Variants in VSIG10L observed in about 807,000 individuals in gnomAD.
VSIG10L encodes the protein V-set and immunoglobulin domain-containing protein 10-like.
Under a neutral mutation model 67.3 loss-of-function variants are expected in VSIG10L, and 63 were observed. The observed-to-expected ratio is 0.94, with a 90% CI of 0.76 to 1.15. VSIG10L has a LOEUF of 1.15. Among genes scored for constraint, VSIG10L ranks in the 50% most tolerant of loss-of-function variants. VSIG10L has a pLI of 0.00. For missense variants in VSIG10L, 1,050 were observed against 1,177.5 expected, an observed-to-expected ratio of 0.89 and a Z score of 1.58; for synonymous variants, 499 against 524.9, an observed-to-expected ratio of 0.95 and a Z score of 0.67.
Position 51,340,629 on chromosome 19 carries a change from G to A in VSIG10L, c.993C>T (p.Arg331=), listed in dbSNP as rs960282897. The A allele has an allele frequency of 5.2e-6, 8 of 1,534,220 alleles. No individual in the cohort carries two copies. The highest frequency in any genetic ancestry group is 2.4e-5 in the South Asian group (2 of 83,920). ...RLRCLGWGPG[R]GELSWSRDGR... is the part of the protein sequence containing the mutation. ...CGTCCCGGCTCCAGCTCAGCTCCCCGCGACCTGGCCCCCACCCCAGGCAGC... is the reference window on the plus strand; with the variant it reads ...CGTCCCGGCTCCAGCTCAGCTCCCCACGACCTGGCCCCCACCCCAGGCAGC... Residue 331 remains arginine (R), a synonymous_variant, in exon 3 of 10, where the codon CGC becomes CGT. Transcript: ENST00000335624. This position sits in a 1 kb window ranked among gnomAD's most constrained non-coding sequence, Gnocchi z 6.3.
Position 51,340,061 on chromosome 19 carries a change from C to A in VSIG10L, c.1428G>T (p.Pro476=). 7.0e-7 allele frequency: 1 copy of A among 1,435,140 alleles called. No individual in the cohort carries two copies. The highest frequency in any genetic ancestry group is 9.1e-7 in the Non-Finnish European group (1 of 1,096,006). 88.9% of individuals were successfully genotyped at this position (1,435,140 alleles called of 1,614,324 possible). Residue 476 remains proline (P), a synonymous_variant, in exon 4 of 10, where the codon CCG becomes CCT. Coordinates refer to ENST00000335624, the MANE Select transcript of VSIG10L (RefSeq NM_001163922.3). The surrounding 1 kb of genome is among the most constrained non-coding windows in gnomAD (Gnocchi z 6.3). ...GCGAGCGGCGGCGGCGGCCGGTACG[C>A]GGGTTCGCCGCCAGGCAGGCGTAGG... The part of the protein sequence containing the change: ...AGTYACLAAN[P]RTGRRRRSLL...
chr19:51,331,785 C>G lies in VSIG10L; in HGVS notation c.*826G>C, dbSNP rs184606984. ...GATGTGGTCTCTGCTTTTGTAAAGC[C>G]CTTAGTTTAGAGAGAGAGTCTCAGG... On this transcript the variant is annotated 3_prime_UTR_variant, in exon 10 of 10. Transcript: ENST00000335624. 2 of 152,086 alleles carry G rather than the reference C, an allele frequency of 1.3e-5. No individual in the cohort carries two copies. The highest frequency in any genetic ancestry group is 4.8e-5 in the African/African-American group (2 of 41,386). The allele number at this position is 152,086 out of a possible 1,614,324, so 9.4% of individuals were successfully genotyped here.
chr19:51,334,435 G>A (rs888745127), intron 7 of VSIG10L, 131 bp from the exon 8 acceptor site: 32 of 688,200 alleles, frequency 4.6e-5, no homozygotes, highest in African/African-American at 4.2e-4. Flanking sequence ...CCAGAACCCA[G>A]GAATGTGGGA....
In VSIG10L at chr19:51,333,879, T is replaced by C; in HGVS notation, c.2486A>G (p.Lys829Arg). The change falls in exon 9 of 10, where the codon AAG becomes AGG. Residue 829 changes from lysine to arginine, a missense_variant. Physicochemically the swap from Lys to Arg is conservative, Grantham distance 26 (BLOSUM62 2). Around this residue, in one of 3 missense-constraint regions of VSIG10L, gnomAD observed 529 missense variants for 584.9 expected, o/e 0.90. Coordinates refer to ENST00000335624, the MANE Select transcript of VSIG10L (RefSeq NM_001163922.3). ...CTCCACTGGGGTCACACTATGCATC[T>C]TCTTTTCTGAGGGGGTGACCACGGG... is the stretch of plus-strand genomic sequence containing the variant. ...LVPVVTPSEK[K>R]MHSVTPVEIS... 6.4e-7 allele frequency: 1 copy of C among 1,551,754 alleles called. No homozygotes were observed. Among genetic ancestry groups the C allele is most frequent in the Non-Finnish European group, 8.7e-7 (1 of 1,147,000 alleles).
chr19:51,337,893 C>G, intron 6 of VSIG10L, 37 bp downstream of exon 6: 1 of 1,509,308 alleles, frequency 6.6e-7, no homozygotes. Context: ...CGGCTGGGGA[C>G]GTGGACTTCA....
chr19:51,341,087 T>C, intron 2 of VSIG10L, 66 bp downstream of exon 2: 2 of 1,448,852 alleles, frequency 1.4e-6, no homozygotes, highest in South Asian at 1.5e-5. Flanking sequence ...CACCGTGACT[T>C]GCCCAAAGCC....
Position 51,339,116 on chromosome 19 carries a change from AGCACTGTGGGGCCCCGGGG to A in VSIG10L, c.1482_1500del (p.Pro495GlnfsTer187). 7.5e-7 allele frequency: 1 copy of A among 1,330,504 alleles called. No homozygotes were observed. Among genetic ancestry groups the A allele is most frequent in the Non-Finnish European group, 9.7e-7 (1 of 1,033,010 alleles). 82.4% of individuals were successfully genotyped at this position (1,330,504 alleles called of 1,614,324 possible). On this transcript the variant is annotated frameshift_variant, in exon 5 of 10. Transcript: ENST00000335624. LOFTEE classifies it high-confidence loss of function. ...CGGTCCCCGGGACCCCCTTCAACTG[AGCACTGTGGGGCCCCGGGG>A]GGCAGGTCTGCGGAGAGAAGGGAGA...
In VSIG10L at chr19:51,340,759, C is replaced by T; in HGVS notation, c.896-33G>A. 6.9e-7 allele frequency: 1 copy of T among 1,450,624 alleles called. No individual in the cohort carries two copies. The highest frequency in any genetic ancestry group is 9.1e-7 in the Non-Finnish European group (1 of 1,104,858). The allele number at this position is 1,450,624 out of a possible 1,614,324, so 89.9% of individuals were successfully genotyped here. On this transcript the variant is annotated intron_variant, in intron 2 of 9. Transcript: ENST00000335624. The surrounding 1 kb of genome is among the most constrained non-coding windows in gnomAD (Gnocchi z 6.3). ...AGGGAGAATGGGCTCAGGACCCACCCAGTCCTGGAGCCCATCTTTGGTCCC... is the reference window on the plus strand; with the variant it reads ...AGGGAGAATGGGCTCAGGACCCACCTAGTCCTGGAGCCCATCTTTGGTCCC...
In VSIG10L at chr19:51,340,609, C is replaced by G. The variant is rs768283282; in HGVS notation, c.1013G>C (p.Arg338Pro). Residue 338 changes from arginine to proline, a missense_variant, in exon 3 of 10, where the codon CGG becomes CCG. This residue lies in a region of VSIG10L where 511 missense variants were observed against 557.9 expected (regional missense o/e 0.92). Coordinates refer to ENST00000335624, the MANE Select transcript of VSIG10L (RefSeq NM_001163922.3). The surrounding 1 kb of genome is among the most constrained non-coding windows in gnomAD (Gnocchi z 6.3). ...CGCCGCCTCCAGGGCGCGTCCGTCC[C>G]GGCTCCAGCTCAGCTCCCCGCGACC... Reference protein sequence around the residue: ...GPGRGELSWSRDGRALEAAES... With the variant: ...GPGRGELSWSPDGRALEAAES... The G allele has an allele frequency of 4.4e-5, 68 of 1,535,076 alleles. No homozygotes were observed. Among genetic ancestry groups the G allele is most frequent in the Non-Finnish European group, 5.5e-5 (63 of 1,146,426 alleles).
In VSIG10L at chr19:51,341,951, A is replaced by C. The variant is rs1985651911; in HGVS notation, c.97T>G (p.Phe33Val). 1.3e-6 allele frequency: 2 copies of C among 1,551,562 alleles called. No homozygotes were observed. The highest frequency in any genetic ancestry group is 3.9e-5 in the Admixed American group (2 of 50,982). ...GAGTCTGAAGAGAAGGCAGAGGAGA[A>C]GTTGGTTTGCTGAAGTCCAGAAGAG... ...RASSGLQQTN[F>V]SSAFSSDSKS... Residue 33 changes from phenylalanine to valine, a missense_variant, in exon 2 of 10, where the codon TTC (phenylalanine) becomes GTC (valine). Physicochemically the swap from Phe to Val is conservative, Grantham distance 50. This residue lies in a region of VSIG10L where 511 missense variants were observed against 557.9 expected (regional missense o/e 0.92). Coordinates refer to ENST00000335624, the MANE Select transcript of VSIG10L (RefSeq NM_001163922.3).
chr19:51,337,964 C>A lies in VSIG10L; in HGVS notation c.1974G>T (p.Ala658=), dbSNP rs1209131026. ...TGATCTGGTCACCGCCAGCACCCAG[C>A]GCCCCACTGCACAGCACGGAGTAAT... ...LGNYSVLCSG[A]LGAGGDQITL... Residue 658 remains alanine (A), a synonymous_variant, in exon 6 of 10, where the codon GCG becomes GCT. Coordinates refer to ENST00000335624, the MANE Select transcript of VSIG10L (RefSeq NM_001163922.3). 6.4e-7 allele frequency: 1 copy of A among 1,550,882 alleles called. No homozygotes were observed. The highest frequency in any genetic ancestry group is 8.7e-7 in the Non-Finnish European group (1 of 1,146,662).
intron 4 of VSIG10L, 103 bp downstream of exon 4, chr19:51,339,912 T>A: frequency 9.2e-7 from 1 of 1,085,766 alleles, no homozygotes. Flanking sequence ...CCCACCGGTA[T>A]GCTGCTCCTC....
Position 51,340,782 on chromosome 19 carries a change from C to A in VSIG10L, c.896-56G>T. 1.4e-6 allele frequency: 2 copies of A among 1,429,432 alleles called. No individual in the cohort carries two copies. Among genetic ancestry groups the A allele is most frequent in the South Asian group, 1.5e-5 (1 of 68,120 alleles). 88.5% of individuals were successfully genotyped at this position (1,429,432 alleles called of 1,614,324 possible). On this transcript the variant is annotated intron_variant, in intron 2 of 9. Transcript: ENST00000335624. The surrounding 1 kb of genome is among the most constrained non-coding windows in gnomAD (Gnocchi z 6.3). ...CCCAGTCCTGGAGCCCATCTTTGGT[C>A]CCCTTAGAGGGAACCCCAGCCGCTG...
At position 51,341,402 on chromosome 19, in the gene VSIG10L, T is replaced by C; in HGVS notation, c.646A>G (p.Asn216Asp). The C allele has an allele frequency of 6.5e-7, 1 of 1,533,874 alleles. No homozygotes were observed. The highest frequency in any genetic ancestry group is 8.8e-7 in the Non-Finnish European group (1 of 1,140,040). ...ACCAGAGAGGTGGGGGGCCCAGGGT[T>C]GGGGATTGGGACTAGGGGGAGCCGG... ...TIRLPLVPIP[N>D]PGPPTSLVVW... is the part of the protein sequence containing the mutation. The change falls in exon 2 of 10, where the codon AAC becomes GAC. Residue 216 changes from asparagine to aspartate, a missense_variant. Asn to Asp is a conservative substitution (Grantham distance 23). Transcript: ENST00000335624.
intron 7 of VSIG10L, 136 bp from the exon 8 acceptor site, chr19:51,334,440 G>T: frequency 1.5e-6 from 1 of 672,576 alleles, no homozygotes; most frequent in South Asian, 1.9e-5. Context: ...ACCCAGGAAT[G>T]TGGGACCCCA....
Position 51,338,108 on chromosome 19 carries a change from C to T in VSIG10L, c.1830G>A (p.Arg610=), listed in dbSNP as rs1985532483. The change falls in exon 6 of 10, where the codon CGG becomes CGA. Residue 610 remains arginine, a synonymous_variant. Transcript: ENST00000335624. ...LEASGCPPPS[R]ASWAREGRPL... is the part of the protein sequence containing the mutation. ...GCCTCCCTTCCCGGGCCCAGGATGC[C>T]CGTGAGGGTGGGGGACAACCAGAGG... 1 of 1,550,566 alleles carries T rather than the reference C, an allele frequency of 6.4e-7. No homozygotes were observed. Among genetic ancestry groups the T allele is most frequent in the African/African-American group, 1.4e-5 (1 of 73,056 alleles).
At position 51,337,399 on chromosome 19, in the gene VSIG10L, G is replaced by A. The variant is rs184921480; in HGVS notation, c.2144C>T (p.Ser715Phe). 2.5e-5 allele frequency: 39 copies of A among 1,551,746 alleles called. No homozygotes were observed. Among genetic ancestry groups the A allele is most frequent in the African/African-American group, 1.2e-4 (9 of 73,162 alleles). ...WPDGPALGRT[S>F]TYRDWVSLLI... ...CAGGGAGACCCAGTCCCTGTAGGTG[G>A]AAGTCCTGCCCAGAGCAGGCCCATC... The change falls in exon 7 of 10, where the codon TCC (serine) becomes TTC (phenylalanine). Residue 715 changes from serine (S) to phenylalanine (F), a missense_variant. Ser to Phe is a radical substitution (Grantham distance 155). This residue lies in a region of VSIG10L where 529 missense variants were observed against 584.9 expected (regional missense o/e 0.90). Transcript: ENST00000335624.
intron 4 of VSIG10L, among the ~76,000 whole-genome samples, 199 bp from the exon 5 acceptor site, chr19:51,339,341 C>T (rs1985566757): frequency 6.6e-6 from 1 of 152,168 alleles, no homozygotes; most frequent in African/African-American, 2.4e-5. Flanking sequence ...TGCTGACTGC[C>T]CAACTTTCTT....
rs1298456596 is a variant in VSIG10L, at chr19:51,341,548, T to G, written c.500A>C (p.Asp167Ala). 1.9e-6 allele frequency: 3 copies of G among 1,551,728 alleles called. No homozygotes were observed. The South Asian group carries it at 3.6e-5, about 18-fold the overall frequency. ...EAPDSKFSPD[D>A]MDLKLSAQSP... Reference sequence around the variant, plus strand: ...CTGGGCAGAGAGTTTAAGATCCATATCATCCGGGGAGAATTTTGAATCTGG... The same window carrying G: ...CTGGGCAGAGAGTTTAAGATCCATAGCATCCGGGGAGAATTTTGAATCTGG... Residue 167 changes from aspartate (D) to alanine (A), a missense_variant, in exon 2 of 10, where the codon GAT becomes GCT. Transcript: ENST00000335624.
Sources: allele counts gnomAD v4.1 joint callset (sites outside exome capture counted in the v4.1 genomes callset), GRCh38; gene constraint gnomAD v4.1.1; regional missense constraint gnomAD v4.1.1; non-coding constraint Gnocchi (gnomAD v3.1); transcripts MANE v1.5; gene names NCBI Gene and HGNC (gene_info 2026-07-23, HGNC 2026-07-21).